Variants in ASTN2 observed in about 807,000 individuals in gnomAD.
ASTN2 encodes the protein astrotactin 2.
ASTN2 carries 54 observed loss-of-function variants against 139.8 expected under a neutral mutation model. That is an observed-to-expected ratio of 0.39 (90% CI 0.31 to 0.48). ASTN2 has a LOEUF of 0.48. ASTN2 is among the 20% of genes least tolerant of loss of function. ASTN2 has a pLI of 0.95. For missense variants in ASTN2, 1,565 were observed against 1,725.1 expected, an observed-to-expected ratio of 0.91 and a Z score of 1.64; for synonymous variants, 756 against 719.5, an observed-to-expected ratio of 1.05 and a Z score of -0.81.
rs892357662 is a variant in ASTN2 at position 116,535,811 on chromosome 9, G to T, written c.3356-48311C>A. On this transcript the variant is annotated intron_variant, in intron 19 of 22. Coordinates refer to ENST00000313400, the MANE Select transcript of ASTN2 (RefSeq NM_001365068.1). ...ACATTTTTTCCTTCATTTCAACTTT[G>T]GTGAATCTGATAATTATGTGTCTTG... Among the ~76,000 whole-genome samples the T allele has an allele frequency of 3.9e-5, 6 of 152,022 alleles. No homozygotes were observed. The East Asian group carries it at 1.2e-3, about 29-fold the overall frequency.
At chr9:117,003,530 G>GGTGTGTGTGTGTGTGTGTGTGTGTGTGT (rs11271769) in intron 7 of ASTN2, among the ~76,000 whole-genome samples, 2,335 of 103,218 alleles carry the variant, frequency 0.023, 268 homozygotes, top group African/African-American at 0.051. Context: ...TCTAAAGAGT[G>GGTGTGTGTGTGTGTGTGTGTGTGTGTGT]GTGTGTGTGT....
intron 16 of ASTN2, among the ~76,000 whole-genome samples, chr9:116,706,256 C>T (rs533759427): frequency 4.6e-5 from 7 of 152,258 alleles, no homozygotes; most frequent in South Asian, 2.1e-4. Flanking sequence ...CAGAAGCCTA[C>T]GCCAAATAAG....
At chr9:117,007,540 G>C (rs756851527) in intron 7 of ASTN2, among the ~76,000 whole-genome samples, 4 of 152,186 alleles carry the variant, frequency 2.6e-5, no homozygotes, top group Admixed American at 6.5e-5. Flanking sequence ...TGCATGTTTA[G>C]TGTCTACCCC....
intron 19 of ASTN2, among the ~76,000 whole-genome samples, chr9:116,609,397 A>G (rs1318267740): frequency 6.8e-6 from 1 of 146,160 alleles, no homozygotes. Context: ...ATATATATAT[A>G]TATATATATA....
chr9:116,616,092 G>T (rs560543145), intron 19 of ASTN2, among the ~76,000 whole-genome samples: 1 of 152,000 alleles, frequency 6.6e-6, no homozygotes, highest in Non-Finnish European at 1.5e-5. Flanking sequence ...ATAAATAAAC[G>T]TCATCAAAAT....
chr9:117,164,270 A>AGG (rs879800870), intron 3 of ASTN2, among the ~76,000 whole-genome samples: 22 of 152,076 alleles, frequency 1.4e-4, no homozygotes, highest in Non-Finnish European at 2.9e-4. Flanking sequence ...ATGAGAATGC[A>AGG]GGCAGAAATC....
intron 4 of ASTN2, among the ~76,000 whole-genome samples, chr9:117,120,337 A>T (rs531974931): frequency 6.6e-6 from 1 of 152,160 alleles, no homozygotes; most frequent in South Asian, 2.1e-4. Context: ...TCAGACTTGT[A>T]TTCACCAACC....
intron 5 of ASTN2, among the ~76,000 whole-genome samples, chr9:117,059,410 G>C (rs879357514): frequency 6.6e-6 from 1 of 151,934 alleles, no homozygotes. Context: ...TCAGGAGTTC[G>C]AGAGCAGCCT....
At chr9:116,480,749 A>G (rs1849141005) in intron 20 of ASTN2, among the ~76,000 whole-genome samples, 1 of 152,330 alleles carries the variant, frequency 6.6e-6, no homozygotes, top group African/African-American at 2.4e-5. Context: ...AGGACATCCC[A>G]GGGAAAGAGA....
rs1453845321 is a variant in ASTN2 at position 117,389,133 on chromosome 9, A to G, written c.442+25364T>C. ...GCACCTGTGAATGTCCTGGGTCTAC[A>G]TCACTCTTCCCTTTGCTCACAATCC... On this transcript the variant is annotated intron_variant, in intron 1 of 22. Coordinates refer to ENST00000313400, the MANE Select transcript of ASTN2 (RefSeq NM_001365068.1). Among the ~76,000 whole-genome samples the G allele has an allele frequency of 5.9e-5, 9 of 152,330 alleles. No individual in the cohort carries two copies. The East Asian group carries it at 1.5e-3, about 26-fold the overall frequency.
At position 116,517,252 on chromosome 9, in the gene ASTN2, G is replaced by C. The variant is rs532601676; in HGVS notation, c.3356-29752C>G. The stretch of plus-strand genomic sequence containing the variant: ...AAAAACACAACTGAGGACCATCACA[G>C]AGTCCACTTCACTACCCTGCTACCT... On this transcript the variant is annotated intron_variant, in intron 19 of 22. Coordinates refer to ENST00000313400, the MANE Select transcript of ASTN2 (RefSeq NM_001365068.1). 4.6e-5 allele frequency among the ~76,000 whole-genome samples: 7 copies of C among 152,320 alleles called. No homozygotes were observed. The East Asian group carries it at 1.2e-3, about 25-fold the overall frequency.
At chr9:117,296,465 C>T (rs1280165504) in intron 1 of ASTN2, among the ~76,000 whole-genome samples, 3 of 152,014 alleles carry the variant, frequency 2.0e-5, no homozygotes, top group Admixed American at 6.6e-5. Context: ...AGTAACATGA[C>T]CAAAACCAGT....
chr9:116,851,494 CTATCTATCTATCTATCTATCTAGT>C lies in ASTN2; in HGVS notation c.2040+12065_2040+12088del, dbSNP rs1832603438. ...AACATCTATCTATCTATCTATCTAT[CTATCTATCTATCTATCTATCTAGT>C]TATCTATCTATCTTATAGTAAATCT... On this transcript the variant is annotated intron_variant, in intron 11 of 22. Transcript: ENST00000313400. 2.6e-5 allele frequency among the ~76,000 whole-genome samples: 4 copies of C among 151,744 alleles called. No homozygotes were observed. The South Asian group carries it at 8.3e-4, about 32-fold the overall frequency.
At chr9:116,473,049 G>C (rs554942630) in intron 20 of ASTN2, among the ~76,000 whole-genome samples, 6 of 152,130 alleles carry the variant, frequency 3.9e-5, no homozygotes, top group Admixed American at 3.3e-4. Flanking sequence ...ATCTACCTTA[G>C]AGGGTACCAT....
chr9:116,600,323 CAAAAAA>C (rs35224783), intron 19 of ASTN2, among the ~76,000 whole-genome samples: 18 of 118,992 alleles, frequency 1.5e-4, no homozygotes, highest in Non-Finnish European at 8.8e-5. Context: ...GACCCTGTCT[CAAAAAA>C]AAAAAAAAAA....
intron 13 of ASTN2, among the ~76,000 whole-genome samples, chr9:116,780,270 C>T (rs539905860): frequency 6.6e-6 from 1 of 152,302 alleles, no homozygotes; most frequent in East Asian, 1.9e-4. Context: ...TAACTGCACA[C>T]CTACTGTGTG....
At chr9:116,867,608 GACA>G (rs1205073565) in intron 10 of ASTN2, among the ~76,000 whole-genome samples, 2 of 148,562 alleles carry the variant, frequency 1.3e-5, no homozygotes, top group Non-Finnish European at 3.0e-5. Context: ...AGCAGAGACA[GACA>G]ACAACAAAGA....
At chr9:116,545,101 A>C (rs915728771) in intron 19 of ASTN2, among the ~76,000 whole-genome samples, 1 of 152,184 alleles carries the variant, frequency 6.6e-6, no homozygotes, top group East Asian at 1.9e-4. Context: ...CTGCACCAGC[A>C]ACTGCTGGCC....
chr9:117,237,798 G>T (rs987018358), intron 2 of ASTN2, among the ~76,000 whole-genome samples: 8 of 152,176 alleles, frequency 5.3e-5, no homozygotes, highest in African/African-American at 1.9e-4. Context: ...TTCTGCCTGT[G>T]TGCCATGTGT....
Sources: gnomAD v4.1 joint callset for allele counts (sites outside exome capture counted in the v4.1 genomes callset) on GRCh38, gnomAD v4.1.1 for gene constraint, MANE v1.5 for transcripts, NCBI Gene and HGNC (gene_info 2026-07-23, HGNC 2026-07-21) for gene names.